The following PRKAB2 variants were observed in gnomAD, a reference collection of about 807,000 sequenced individuals.
The protein encoded by PRKAB2 is 5'-AMP-activated protein kinase subunit beta-2.
Under a neutral mutation model 29.8 loss-of-function variants are expected in PRKAB2, and 18 were observed. The ratio of observed to expected loss-of-function variants is 0.60; its 90% CI spans 0.42 to 0.89. The LOEUF (loss-of-function observed/expected upper bound fraction) is 0.89, where lower values mean the gene tolerates loss of function less well. Ranked by LOEUF, PRKAB2 falls within the 40% of genes least tolerant of loss-of-function variation. The probability of loss-of-function intolerance (pLI) is 0.00; values close to 1 mark genes in which losing one functional copy is unlikely to be tolerated. For missense variants in PRKAB2, 270 were observed against 344.3 expected (o/e 0.78, Z 1.71); for synonymous variants, 136 against 125.9 (o/e 1.08, Z -0.54).
In PRKAB2 at chr1:147,162,856, T is replaced by A. The variant is rs587726469; in HGVS notation, c.539-283A>T. ...GGGAAGAGCTACTACATGTATCAGCTGTAGGACCTTGGAAGAATCCCTCCA... is the reference window on the plus strand; with the variant it reads ...GGGAAGAGCTACTACATGTATCAGCAGTAGGACCTTGGAAGAATCCCTCCA... On this transcript the variant is annotated intron_variant, in intron 5 of 7. Transcript: ENST00000254101. Among the ~76,000 whole-genome samples, 77 of 152,314 alleles carry A rather than the reference T, an allele frequency of 5.1e-4. No homozygotes were observed. The South Asian group carries it at 0.015, about 29-fold the overall frequency.
At chr1:147,168,495 T>C (rs587608854) in intron 2 of PRKAB2, among the ~76,000 whole-genome samples, 8 of 152,392 alleles carry the variant, frequency 5.2e-5, no homozygotes, top group Non-Finnish European at 8.8e-5. Context: ...ACTAGATCAC[T>C]GATTTCTTAA....
chr1:147,167,745 A>C (rs782075732), intron 3 of PRKAB2, 22 bp downstream of exon 3: 1 of 1,606,104 alleles, frequency 6.2e-7, no homozygotes, highest in East Asian at 2.2e-5. Context: ...GGACCCTTAG[A>C]TTCAACCAAG....
intron 1 of PRKAB2, 114 bp from the exon 2 acceptor site, chr1:147,172,281 G>T: frequency 8.1e-7 from 1 of 1,231,774 alleles, no homozygotes; most frequent in Non-Finnish European, 1.1e-6. Context: ...CCCCAGGGAA[G>T]CCGAGCCCTG....
chr1:147,163,058 C>T (rs1168848458), intron 5 of PRKAB2, among the ~76,000 whole-genome samples: 1 of 143,820 alleles, frequency 7.0e-6, no homozygotes. Flanking sequence ...CTAAGACTAC[C>T]AATACAACAA....
At position 147,161,612 on chromosome 1, in the gene PRKAB2, AG is replaced by A. The variant is rs1653965333; in HGVS notation, c.741+99del. 6 of 1,001,926 alleles carry A rather than the reference AG, an allele frequency of 6.0e-6. No homozygotes were observed. The South Asian group carries it at 8.7e-5, about 15-fold the overall frequency. 62.1% of individuals were successfully genotyped at this position (1,001,926 alleles called of 1,614,324 possible). ...TAATTTGATCATTACTGCCAGCTTC[AG>A]CTTCAATGAAATAGCAGAGAAAGTA... On this transcript the variant is annotated intron_variant, in intron 7 of 7. Coordinates refer to ENST00000254101, the MANE Select transcript of PRKAB2 (RefSeq NM_005399.5).
intron 2 of PRKAB2, 31 bp from the exon 3 acceptor site, chr1:147,167,964 A>G: frequency 6.3e-7 from 1 of 1,587,584 alleles, no homozygotes; most frequent in Admixed American, 1.8e-5. Context: ...TCCCTAGAAT[A>G]AACTGTGACC....
intron 5 of PRKAB2, 26 bp downstream of exon 5, chr1:147,166,470 CAA>C: frequency 6.2e-7 from 1 of 1,607,198 alleles, no homozygotes; most frequent in Non-Finnish European, 8.5e-7. Context: ...AAAGACACAG[CAA>C]GAGAGAGTAA....
chr1:147,160,344 T>A (rs1451958249), intron 7 of PRKAB2, among the ~76,000 whole-genome samples: 1 of 152,112 alleles, frequency 6.6e-6, no homozygotes, highest in Non-Finnish European at 1.5e-5. Flanking sequence ...ATCAAACACC[T>A]TCACCTGAGT....
intron 4 of PRKAB2, 58 bp from the exon 5 acceptor site, chr1:147,166,676 C>T (rs781820338): frequency 6.9e-6 from 11 of 1,595,448 alleles, no homozygotes; most frequent in African/African-American, 1.4e-5. Context: ...TCTCTTCCAT[C>T]CAACCTTCCT....
At chr1:147,165,954 CGCTCG>C (rs1356662247) in intron 5 of PRKAB2, among the ~76,000 whole-genome samples, 1 of 152,158 alleles carries the variant, frequency 6.6e-6, no homozygotes, top group African/African-American at 2.4e-5. Context: ...TGTGCCATTA[CGCTCG>C]GCTAATTTTT....
intron 5 of PRKAB2, among the ~76,000 whole-genome samples, chr1:147,164,747 T>C (rs180716945): frequency 6.6e-6 from 1 of 152,276 alleles, no homozygotes; most frequent in Admixed American, 6.5e-5. Flanking sequence ...AGATTCCTAG[T>C]AAAAAATGGA....
intron 2 of PRKAB2, among the ~76,000 whole-genome samples, chr1:147,169,888 C>T (rs1553914135): frequency 1.3e-5 from 2 of 152,208 alleles, no homozygotes; most frequent in African/African-American, 4.8e-5. Flanking sequence ...AAAAGGCAGG[C>T]ATTCAAAGCA....
chr1:147,171,013 G>C (rs782536855), intron 2 of PRKAB2, among the ~76,000 whole-genome samples: 46 of 152,282 alleles, frequency 3.0e-4, no homozygotes, highest in African/African-American at 1.1e-3. Flanking sequence ...GAAATGATAG[G>C]AAACATCAAA....
intron 7 of PRKAB2, 131 bp downstream of exon 7, chr1:147,161,581 C>T (rs1360657001): frequency 1.4e-6 from 1 of 737,780 alleles, no homozygotes; most frequent in African/African-American, 1.8e-5. Flanking sequence ...AAAGAGAGTT[C>T]TTCTATAATT....
At chr1:147,162,871 G>A (rs1553913248) in intron 5 of PRKAB2, among the ~76,000 whole-genome samples, 3 of 152,182 alleles carry the variant, frequency 2.0e-5, no homozygotes, top group Non-Finnish European at 4.4e-5. Flanking sequence ...GACCTTGGAA[G>A]AATCCCTCCA....
rs1653829572 is a variant in PRKAB2 at position 147,159,313 on chromosome 1, T to C, written c.*252A>G. 2.3e-6 allele frequency: 1 copy of C among 431,420 alleles called. No individual in the cohort carries two copies. The highest frequency in any genetic ancestry group is 4.1e-6 in the Non-Finnish European group (1 of 242,498). 26.7% of individuals were successfully genotyped at this position (431,420 alleles called of 1,614,324 possible). A position where few individuals can be genotyped will look rare whatever the true frequency, so the allele number is the denominator to read the frequency against. On this transcript the variant is annotated 3_prime_UTR_variant, in exon 8 of 8. Coordinates refer to ENST00000254101, the MANE Select transcript of PRKAB2 (RefSeq NM_005399.5). ...AACCCACAGGCAGAAACAATACTTCTAGCTGGGGCTAGGAGGCTTCCATTT... is the reference window on the plus strand; with the variant it reads ...AACCCACAGGCAGAAACAATACTTCCAGCTGGGGCTAGGAGGCTTCCATTT...
chr1:147,168,526 A>C (rs1654361721), intron 2 of PRKAB2, among the ~76,000 whole-genome samples: 1 of 152,264 alleles, frequency 6.6e-6, no homozygotes, highest in African/African-American at 2.4e-5. Flanking sequence ...GTGGCTATGA[A>C]ATCTTACTTA....
intron 5 of PRKAB2, among the ~76,000 whole-genome samples, chr1:147,165,479 T>C (rs1282462619): frequency 1.3e-5 from 2 of 152,194 alleles, no homozygotes; most frequent in African/African-American, 4.8e-5. Context: ...GGTTGAGAGA[T>C]TTGTTCATGA....
chr1:147,171,666 C>T (rs1292860517), intron 2 of PRKAB2, among the ~76,000 whole-genome samples: 1 of 152,188 alleles, frequency 6.6e-6, no homozygotes, highest in Non-Finnish European at 1.5e-5. Flanking sequence ...GGATTACAAA[C>T]TACAAATTCA....
Sources: allele counts gnomAD v4.1 joint callset (sites outside exome capture counted in the v4.1 genomes callset), GRCh38; gene constraint gnomAD v4.1.1; transcripts MANE v1.5; gene names NCBI Gene and HGNC (gene_info 2026-07-23, HGNC 2026-07-21).